ACACA: variants seen among roughly 807,000 people sequenced by gnomAD.
ACACA encodes the protein acetyl-CoA carboxylase 1.
Under a neutral mutation model 296.1 loss-of-function variants are expected in ACACA, and 103 were observed. That is an observed-to-expected ratio of 0.35 (90% CI 0.30 to 0.41). The LOEUF is 0.41. ACACA is among the 10% of genes least tolerant of loss of function. The pLI is 1.00. For synonymous variants in ACACA, 953 were observed against 1,038.6 expected, an observed-to-expected ratio of 0.92 and a Z score of 1.58; for missense variants, 1,554 against 2,989.7, an observed-to-expected ratio of 0.52 and a Z score of 11.20.
intron 25 of ACACA, among the ~76,000 whole-genome samples, chr17:37,231,453 T>C (rs1467720622): frequency 7.9e-5 from 12 of 152,238 alleles, no homozygotes; most frequent in South Asian, 2.1e-4. Flanking sequence ...AAAAATGTCA[T>C]AGGGTAAGTT....
chr17:37,393,929 A>C (rs1012652512), intron 1 of ACACA, among the ~76,000 whole-genome samples: 2 of 152,200 alleles, frequency 1.3e-5, no homozygotes, highest in African/African-American at 4.8e-5. Context: ...CCCCTGACAA[A>C]GCATAGACCC....
At chr17:37,174,874 T>A (rs1332816833) in intron 41 of ACACA, among the ~76,000 whole-genome samples, 2 of 152,144 alleles carry the variant, frequency 1.3e-5, no homozygotes, top group Non-Finnish European at 2.9e-5. Context: ...CCAGAAAAAC[T>A]TTTATACCAA....
chr17:37,311,406 G>T (rs2084133436), intron 3 of ACACA, among the ~76,000 whole-genome samples: 1 of 136,800 alleles, frequency 7.3e-6, no homozygotes, highest in African/African-American at 3.3e-5. Flanking sequence ...ATTGTTCTGG[G>T]TTACAAAACA....
rs1466939421 is a variant in ACACA at position 37,144,105 on chromosome 17, T to C, written c.5679+5759A>G. 3.9e-6 allele frequency: 3 copies of C among 762,458 alleles called. No individual in the cohort carries two copies. In the Admixed American group the frequency reaches 5.2e-5, roughly 13 times the overall value. The allele number at this position is 762,458 out of a possible 1,614,324, so 47.2% of individuals were successfully genotyped here. A position where few individuals can be genotyped will look rare whatever the true frequency, so the allele number is the denominator to read the frequency against. On this transcript the variant is annotated intron_variant, in intron 45 of 55. Transcript: ENST00000616317. ...TTTCATAATGGGTCTTGTCTGTCTT[T>C]GCCATATCTTCAAATTTTCCCTTCT...
chr17:37,124,322 A>C (rs1021877189), intron 48 of ACACA, among the ~76,000 whole-genome samples: 7 of 152,234 alleles, frequency 4.6e-5, no homozygotes, highest in African/African-American at 1.4e-4. Context: ...GCCAAGCTTG[A>C]CTGATCTTGG....
intron 3 of ACACA, among the ~76,000 whole-genome samples, chr17:37,303,512 G>A (rs2083728139): frequency 6.6e-6 from 1 of 152,190 alleles, no homozygotes; most frequent in African/African-American, 2.4e-5. Flanking sequence ...ACAATAAGGA[G>A]TGAAGCTGCC....
At chr17:37,197,171 T>A (rs1311745123) in intron 35 of ACACA, among the ~76,000 whole-genome samples, 1 of 152,208 alleles carries the variant, frequency 6.6e-6, no homozygotes, top group Non-Finnish European at 1.5e-5. Flanking sequence ...CAACTGTGGC[T>A]AAACTACGAA....
At chr17:37,354,880 T>G (rs2049062215) in intron 1 of ACACA, among the ~76,000 whole-genome samples, 1 of 152,108 alleles carries the variant, frequency 6.6e-6, no homozygotes, top group African/African-American at 2.4e-5. Flanking sequence ...TGAGCAATGA[T>G]CACGTCACTG....
At chr17:37,204,739 T>C (rs1374113766) in intron 33 of ACACA, among the ~76,000 whole-genome samples, 3 of 152,156 alleles carry the variant, frequency 2.0e-5, no homozygotes, top group Non-Finnish European at 2.9e-5. Context: ...GTATAATAAA[T>C]GAGGCACATT....
chr17:37,219,628 T>C (rs2079188508), intron 29 of ACACA, among the ~76,000 whole-genome samples: 1 of 151,048 alleles, frequency 6.6e-6, no homozygotes, highest in Admixed American at 6.6e-5. Context: ...AAATCCAAAT[T>C]TTAACAAAAA....
intron 1 of ACACA, chr17:37,386,167 A>G (rs1401933190): frequency 4.6e-6 from 6 of 1,307,814 alleles, no homozygotes; most frequent in Non-Finnish European, 6.4e-6. Flanking sequence ...CAGAATAAGT[A>G]GGAGTAAAAT....
chr17:37,116,239 C>T lies in ACACA; in HGVS notation c.6275-2974G>A, dbSNP rs146484401. ...CTGAGCTCAAGCCATCCGCCCACCT[C>T]GGCCTTCCAAAATGTTGGGATTACA... On this transcript the variant is annotated intron_variant, in intron 50 of 55. Transcript: ENST00000616317. Among the ~76,000 whole-genome samples the T allele has an allele frequency of 3.9e-5, 6 of 152,282 alleles. No individual in the cohort carries two copies. In the East Asian group the frequency reaches 7.7e-4, roughly 20 times the overall value.
At position 37,113,757 on chromosome 17, in the gene ACACA, CTA is replaced by C. The variant is rs1173162236; in HGVS notation, c.6275-494_6275-493del. Among the ~76,000 whole-genome samples, 1 of 152,160 alleles carries C rather than the reference CTA, an allele frequency of 6.6e-6. No homozygotes were observed. The highest frequency in any genetic ancestry group is 6.6e-5 in the Admixed American group (1 of 15,266). ...CCTTTAAAAATTTTATCTTCAAAAA[CTA>C]TTTTTCATCTTGGTATCCCGATATC... On this transcript the variant is annotated intron_variant, in intron 50 of 55. Coordinates refer to ENST00000616317, the MANE Select transcript of ACACA (RefSeq NM_198834.3). The surrounding 1 kb of genome is among the most constrained non-coding windows in gnomAD (Gnocchi z 4.0).
intron 1 of ACACA, among the ~76,000 whole-genome samples, chr17:37,352,404 T>G (rs542076128): frequency 6.6e-6 from 1 of 152,244 alleles, no homozygotes; most frequent in South Asian, 2.1e-4. Context: ...TTCATAGAGC[T>G]GCATTTAGAG....
chr17:37,121,528 C>T (rs1353260703), intron 49 of ACACA, 38 bp from the exon 50 acceptor site: 1 of 1,613,278 alleles, frequency 6.2e-7, no homozygotes, highest in South Asian at 1.1e-5. Context: ...ATTAACAACA[C>T]AGCTCCAGGG....
chr17:37,372,439 T>C (rs2049038), intron 1 of ACACA, among the ~76,000 whole-genome samples: 7,979 of 147,650 alleles, frequency 0.054, 712 homozygotes, highest in African/African-American at 0.19. Context: ...AAGAGTAGCA[T>C]AGTGTGCAGG....
chr17:37,121,290 C>T (rs776981023), intron 50 of ACACA, 65 bp downstream of exon 50: 2 of 1,609,916 alleles, frequency 1.2e-6, no homozygotes, highest in Non-Finnish European at 1.7e-6. Flanking sequence ...AATCTATACC[C>T]TCCCTCTGCC....
rs772062671 is a variant in ACACA, at chr17:37,391,621, C to T, written c.38+14641G>A. 9 of 1,603,380 alleles carry T rather than the reference C, an allele frequency of 5.6e-6. No homozygotes were observed. The African/African-American group carries it at 1.2e-4, about 21-fold the overall frequency. On this transcript the variant is annotated intron_variant, in intron 1 of 55. Coordinates refer to ENST00000616317, the MANE Select transcript of ACACA (RefSeq NM_198834.3). ...ACTATACACTTGCATCCTTTTTTAACTTTCATATTTCCTTTCAATCTCTAG... is the reference window on the plus strand; with the variant it reads ...ACTATACACTTGCATCCTTTTTTAATTTTCATATTTCCTTTCAATCTCTAG...
intron 3 of ACACA, among the ~76,000 whole-genome samples, chr17:37,313,436 T>C (rs2046942549): frequency 1.3e-5 from 2 of 152,180 alleles, no homozygotes; most frequent in African/African-American, 2.4e-5. Flanking sequence ...TGACAGAGGA[T>C]TGATAGCCAG....
Sources: allele counts gnomAD v4.1 joint callset (sites outside exome capture counted in the v4.1 genomes callset), GRCh38; gene constraint gnomAD v4.1.1; non-coding constraint Gnocchi (gnomAD v3.1); transcripts MANE v1.5; gene names NCBI Gene and HGNC (gene_info 2026-07-23, HGNC 2026-07-21).